Variants in GRM8 observed in about 807,000 individuals in gnomAD.
GRM8 encodes the protein glutamate metabotropic receptor 8, also known as metabotropic glutamate receptor 8.
In GRM8, 47 loss-of-function variants were observed where a neutral mutation model predicts 87.2. That is an observed-to-expected ratio of 0.54 (90% confidence interval 0.43 to 0.69). The LOEUF (loss-of-function observed/expected upper bound fraction) is 0.69. Ranked by LOEUF, GRM8 falls within the 30% of genes least tolerant of loss-of-function variation. GRM8 has a pLI of 0.00. For missense variants in GRM8, 1,019 were observed against 1,139.2 expected (o/e 0.89, Z 1.52); for synonymous variants, 396 against 404.5 (o/e 0.98, Z 0.25).
At chr7:127,010,599 G>T (rs938872706) in intron 3 of GRM8, among the ~76,000 whole-genome samples, 5 of 152,058 alleles carry the variant, frequency 3.3e-5, no homozygotes, top group Admixed American at 1.3e-4. Context: ...AATTCTAAAT[G>T]ATGTATTTAT....
At chr7:127,224,638 G>A (rs1044813544) in intron 2 of GRM8, among the ~76,000 whole-genome samples, 2 of 152,112 alleles carry the variant, frequency 1.3e-5, no homozygotes, top group Non-Finnish European at 2.9e-5. Context: ...AAATACAATC[G>A]AGTTTGCTTT....
intron 2 of GRM8, among the ~76,000 whole-genome samples, chr7:127,212,410 ATT>A (rs144077638): frequency 6.3e-4 from 62 of 97,678 alleles, no homozygotes; most frequent in African/African-American, 2.4e-3. Flanking sequence ...ACATGGTGTT[ATT>A]TTTTTTTTTT....
chr7:127,204,852 T>C (rs1174310010), intron 2 of GRM8, among the ~76,000 whole-genome samples: 1 of 152,328 alleles, frequency 6.6e-6, no homozygotes, highest in Non-Finnish European at 1.5e-5. Context: ...AGAAGAAACA[T>C]GGCCTTCCTG....
intron 2 of GRM8, among the ~76,000 whole-genome samples, chr7:127,149,432 A>G (rs1244053643): frequency 1.3e-5 from 2 of 152,070 alleles, no homozygotes; most frequent in African/African-American, 4.8e-5. Context: ...GGGCAAAGGT[A>G]TGGAAAAAGG....
intron 6 of GRM8, among the ~76,000 whole-genome samples, chr7:126,820,270 A>G (rs1225566017): frequency 6.6e-6 from 1 of 152,242 alleles, no homozygotes; most frequent in African/African-American, 2.4e-5. Flanking sequence ...AAATTCCTCA[A>G]AAAATTATCT....
intron 2 of GRM8, among the ~76,000 whole-genome samples, chr7:127,150,298 T>C (rs994673764): frequency 6.6e-6 from 1 of 151,978 alleles, no homozygotes; most frequent in Non-Finnish European, 1.5e-5. Flanking sequence ...AGCAGAGGCA[T>C]TGCAATGGCA....
chr7:126,798,884 T>A (rs918961763), intron 6 of GRM8, among the ~76,000 whole-genome samples: 2 of 152,122 alleles, frequency 1.3e-5, no homozygotes, highest in Non-Finnish European at 2.9e-5. Context: ...GAAGTGTCTG[T>A]GTTCAACGAA....
intron 7 of GRM8, among the ~76,000 whole-genome samples, chr7:126,710,022 A>G (rs1585617046): frequency 6.6e-6 from 1 of 152,366 alleles, no homozygotes; most frequent in South Asian, 2.1e-4. Context: ...CAATACAGTG[A>G]GTCACACAAA....
At chr7:126,664,627 A>G (rs1805567906) in intron 7 of GRM8, among the ~76,000 whole-genome samples, 1 of 152,194 alleles carries the variant, frequency 6.6e-6, no homozygotes, top group Non-Finnish European at 1.5e-5. Flanking sequence ...ATAATTGAAG[A>G]TAGATTAAAA....
At chr7:126,804,988 A>G (rs6976213) in intron 6 of GRM8, among the ~76,000 whole-genome samples, 73,048 of 151,962 alleles carry the variant, frequency 0.48, 18,242 homozygotes, top group African/African-American at 0.58. Flanking sequence ...CTTACCACTC[A>G]ATATTCTCCA....
At chr7:126,866,356 T>C (rs1798586905) in intron 6 of GRM8, among the ~76,000 whole-genome samples, 1 of 152,182 alleles carries the variant, frequency 6.6e-6, no homozygotes, top group African/African-American at 2.4e-5. Context: ...TCTTCTCTTA[T>C]TCTGTGAGTT....
At position 126,902,762 on chromosome 7, in the gene GRM8, G is replaced by T. The variant is rs76931472; in HGVS notation, c.1019-83C>A. On this transcript the variant is annotated intron_variant, in intron 5 of 10. Transcript: ENST00000339582. ...AACTTTCGAATGGACATTATATTCTGATCACTGCATGAAAAGAAAAAAACA... is the reference window on the plus strand; with the variant it reads ...AACTTTCGAATGGACATTATATTCTTATCACTGCATGAAAAGAAAAAAACA... 68 of 945,414 alleles carry T rather than the reference G, an allele frequency of 7.2e-5. No individual in the cohort carries two copies. In the East Asian group the frequency reaches 1.7e-3, roughly 23 times the overall value. The allele number at this position is 945,414 out of a possible 1,614,324, so 58.6% of individuals were successfully genotyped here. A position where few individuals can be genotyped will look rare whatever the true frequency, so the allele number is the denominator to read the frequency against.
intron 3 of GRM8, among the ~76,000 whole-genome samples, chr7:127,061,700 T>C (rs912451666): frequency 2.0e-5 from 3 of 152,218 alleles, no homozygotes; most frequent in Middle Eastern, 3.2e-3. Context: ...CTGATATCTC[T>C]CTGCTATCGT....
At chr7:127,084,278 G>A (rs946298224) in intron 3 of GRM8, 4 of 152,138 alleles carry the variant, frequency 2.6e-5, no homozygotes, top group Admixed American at 6.6e-5. Context: ...AAAATAGAGC[G>A]AGGCTAGGCT....
At chr7:126,818,671 T>C (rs1422700954) in intron 6 of GRM8, among the ~76,000 whole-genome samples, 4 of 152,228 alleles carry the variant, frequency 2.6e-5, no homozygotes, top group African/African-American at 9.6e-5. Flanking sequence ...CCAGAATTAA[T>C]CTTGGCACTG....
Position 127,232,183 on chromosome 7 carries a change from T to TG in GRM8, c.510+10511_510+10512insC, listed in dbSNP as rs1797724452. On this transcript the variant is annotated intron_variant, in intron 2 of 10. Transcript: ENST00000339582. ...ACCTGCCATCAGTTCTGTTTCTTCTTTGTGTGTGTGTGTGTGTGTGTGTGT... is the reference window on the plus strand; with the variant it reads ...ACCTGCCATCAGTTCTGTTTCTTCTTGTGTGTGTGTGTGTGTGTGTGTGTGT... Among the ~76,000 whole-genome samples the TG allele has an allele frequency of 3.9e-3, 512 of 129,794 alleles. 5 individuals are homozygous for TG. Among genetic ancestry groups the TG allele is most frequent in the African/African-American group, 0.015 (485 of 32,212 alleles). 85.1% of individuals were successfully genotyped at this position (129,794 alleles called of 152,430 possible). A position where few individuals can be genotyped will look rare whatever the true frequency, so the allele number is the denominator to read the frequency against.
chr7:126,947,624 T>C (rs1807685618), intron 3 of GRM8, among the ~76,000 whole-genome samples: 1 of 152,014 alleles, frequency 6.6e-6, no homozygotes, highest in Non-Finnish European at 1.5e-5. Context: ...CTATTGGACT[T>C]ATTTCTTAGG....
intron 3 of GRM8, among the ~76,000 whole-genome samples, chr7:127,092,021 C>T (rs1414008281): frequency 3.6e-5 from 4 of 111,652 alleles, no homozygotes; most frequent in Non-Finnish European, 7.7e-5. Flanking sequence ...CCCCACCATC[C>T]CACTAGTCAT....
At chr7:127,008,733 C>T (rs376434564) in intron 3 of GRM8, among the ~76,000 whole-genome samples, 3 of 152,110 alleles carry the variant, frequency 2.0e-5, no homozygotes, top group East Asian at 3.9e-4. Context: ...TAAAAACAGC[C>T]TCTGTTCCCA....
Sources: gnomAD v4.1 joint callset for allele counts (sites outside exome capture counted in the v4.1 genomes callset) on GRCh38, gnomAD v4.1.1 for gene constraint, MANE v1.5 for transcripts, NCBI Gene and HGNC (gene_info 2026-07-23, HGNC 2026-07-21) for gene names.